The following PPIL2 variants were observed in gnomAD, a reference collection of about 807,000 sequenced individuals.
The protein encoded by PPIL2 is peptidylprolyl isomerase like 2, also known as RING-type E3 ubiquitin-protein ligase PPIL2.
In PPIL2, 50 loss-of-function variants were observed where a neutral mutation model predicts 75.2. That is an observed-to-expected ratio of 0.66 (90% CI 0.53 to 0.84). The LOEUF (loss-of-function observed/expected upper bound fraction) is 0.84. Ranked by LOEUF, PPIL2 falls within the 40% of genes least tolerant of loss-of-function variation. The probability of loss-of-function intolerance (pLI) is 0.00; values close to 1 mark genes in which losing one functional copy is unlikely to be tolerated. For synonymous variants in PPIL2, 245 were observed against 258.8 expected, an observed-to-expected ratio of 0.95 and a Z score of 0.51; for missense variants, 590 against 685.0, an observed-to-expected ratio of 0.86 and a Z score of 1.55.
chr22:21,679,305 A>G (rs1408059511), intron 6 of PPIL2, among the ~76,000 whole-genome samples: 1 of 150,976 alleles, frequency 6.6e-6, no homozygotes, highest in East Asian at 2.0e-4. Context: ...GCATCCCCCC[A>G]CCAAAAAAAA....
At position 21,697,027 on chromosome 22, in the gene PPIL2, T is replaced by A. The variant is rs2067965066; in HGVS notation, c.*1537T>A. On this transcript the variant is annotated 3_prime_UTR_variant, in exon 20 of 20. Transcript: ENST00000398831. Reference sequence around the variant, plus strand: ...CAGCCCATCCCTCTGCAGCCTGTCATCCCTGTCTGTGACCATTGGTCGGGC... The same window carrying A: ...CAGCCCATCCCTCTGCAGCCTGTCAACCCTGTCTGTGACCATTGGTCGGGC... 4 of 1,533,544 alleles carry A rather than the reference T, an allele frequency of 2.6e-6. No homozygotes were observed. The African/African-American group carries it at 5.5e-5, about 21-fold the overall frequency. The allele number at this position is 1,533,544 out of a possible 1,614,324, so 95.0% of individuals were successfully genotyped here.
At position 21,672,518 on chromosome 22, in the gene PPIL2, C is replaced by T. The variant is rs970960215; in HGVS notation, c.243+137C>T. On this transcript the variant is annotated intron_variant, in intron 5 of 19. Transcript: ENST00000398831. The stretch of plus-strand genomic sequence containing the variant: ...GGGCCCAGTGAGGAGGGACAGTCTT[C>T]CCCTCCTCTCCCCACACCCATTCTT... 251 of 789,568 alleles carry T rather than the reference C, an allele frequency of 3.2e-4. 1 individual carries two copies. The highest frequency in any genetic ancestry group is 4.8e-4 in the Non-Finnish European group (224 of 466,288). The allele number at this position is 789,568 out of a possible 1,614,324, so 48.9% of individuals were successfully genotyped here. A position where few individuals can be genotyped will look rare whatever the true frequency, so the allele number is the denominator to read the frequency against.
rs969277821 is a variant in PPIL2 at position 21,695,989 on chromosome 22, A to G, written c.*499A>G. The stretch of plus-strand genomic sequence containing the variant: ...GCCGTGCACCACTACATCCAGCTGT[A>G]TATGTCTGGTTTTCTTACCCCTACT... On this transcript the variant is annotated 3_prime_UTR_variant, in exon 20 of 20. Transcript: ENST00000398831. 5 of 513,916 alleles carry G rather than the reference A, an allele frequency of 9.7e-6. No homozygotes were observed. Among genetic ancestry groups the G allele is most frequent in the African/African-American group, 8.3e-5 (4 of 47,928 alleles). 31.8% of individuals were successfully genotyped at this position (513,916 alleles called of 1,614,324 possible). A position where few individuals can be genotyped will look rare whatever the true frequency, so the allele number is the denominator to read the frequency against.
chr22:21,672,260 A>G lies in PPIL2; in HGVS notation c.192-70A>G, dbSNP rs1234635561. The G allele has an allele frequency of 5.0e-6, 7 of 1,397,578 alleles. No homozygotes were observed. The Admixed American group carries it at 1.0e-4, about 20-fold the overall frequency. 86.6% of individuals were successfully genotyped at this position (1,397,578 alleles called of 1,614,324 possible). A position where few individuals can be genotyped will look rare whatever the true frequency, so the allele number is the denominator to read the frequency against. On this transcript the variant is annotated intron_variant, in intron 4 of 19. Coordinates refer to ENST00000398831, the MANE Select transcript of PPIL2 (RefSeq NM_014337.4). ...CCTCTAACCTGGAAGCAGCCCTGCA[A>G]GACCACAGTGTTGTTACCAGGTGGC...
At position 21,691,536 on chromosome 22, in the gene PPIL2, C is replaced by T. The variant is rs539187824; in HGVS notation, c.1140-2280C>T. Among the ~76,000 whole-genome samples, 394 of 151,992 alleles carry T rather than the reference C, an allele frequency of 2.6e-3. 2 individuals carry two copies. The highest frequency in any genetic ancestry group is 3.4e-3 in the Non-Finnish European group (230 of 67,976). ...TCTACTAAAAATACAGAAAACTAGCCGGGCATGGTGGCAGGCGCCTGTAGT... is the reference window on the plus strand; with the variant it reads ...TCTACTAAAAATACAGAAAACTAGCTGGGCATGGTGGCAGGCGCCTGTAGT... On this transcript the variant is annotated intron_variant, in intron 15 of 19. Transcript: ENST00000398831.
Position 21,689,441 on chromosome 22 carries a change from C to T in PPIL2, c.1139+592C>T, listed in dbSNP as rs114490261. 7.6e-3 allele frequency among the ~76,000 whole-genome samples: 1,164 copies of T among 152,300 alleles called. 17 individuals carry two copies. Among genetic ancestry groups the T allele is most frequent in the African/African-American group, 0.026 (1,087 of 41,540 alleles). The stretch of plus-strand genomic sequence containing the variant: ...CCTGTGACTTCCGGGATAAAGCAAC[C>T]TCTTAAGGATTTTTTATAGTTTATG... On this transcript the variant is annotated intron_variant, in intron 15 of 19. Transcript: ENST00000398831.
chr22:21,686,255 T>A (rs1364541633), intron 10 of PPIL2, among the ~76,000 whole-genome samples: 6 of 152,202 alleles, frequency 3.9e-5, no homozygotes, highest in Non-Finnish European at 5.9e-5. Flanking sequence ...TCTCCAGGGT[T>A]TCACCTGATA....
chr22:21,695,012 A>AGCCAGGGCCCCCAGACCTTCC lies in PPIL2; in HGVS notation c.1417_1437dup (p.Pro473_Gly479dup), dbSNP rs763834171. On this transcript the variant is annotated inframe_insertion, in exon 19 of 20. Transcript: ENST00000398831. ...GAAGAGCAGCCAGCCCCAGGCAGGG[A>AGCCAGGGCCCCCAGACCTTCC]GCCAGGGCCCCCAGACCTTCCGCCA... 9.9e-6 allele frequency: 16 copies of AGCCAGGGCCCCCAGACCTTCC among 1,613,326 alleles called. No homozygotes were observed. Among genetic ancestry groups the AGCCAGGGCCCCCAGACCTTCC allele is most frequent in the African/African-American group, 8.0e-5 (6 of 74,934 alleles).
downstream of PPIL2, chr22:21,699,618 A>G (rs529673306): frequency 2.6e-5 from 4 of 152,826 alleles, no homozygotes; most frequent in African/African-American, 7.2e-5. Flanking sequence ...AGGCGTCTTC[A>G]TGCACAAAGG....
At chr22:21,670,853 G>A in intron 3 of PPIL2, 144 bp from the exon 4 acceptor site, 1 of 917,850 alleles carries the variant, frequency 1.1e-6, no homozygotes, top group South Asian at 1.4e-5. Context: ...TGGAGGAGAA[G>A]GTTGGTGAGA....
At chr22:21,677,726 TATTTA>T in intron 6 of PPIL2, among the ~76,000 whole-genome samples, 1 of 152,010 alleles carries the variant, frequency 6.6e-6, no homozygotes, top group Middle Eastern at 3.4e-3. Flanking sequence ...GGACAGCAAA[TATTTA>T]TTGAGTGCCT....
chr22:21,684,495 A>G (rs2067269994), intron 9 of PPIL2, among the ~76,000 whole-genome samples: 1 of 150,558 alleles, frequency 6.6e-6, no homozygotes, highest in African/African-American at 2.4e-5. Flanking sequence ...AGCAAAGCGT[A>G]TACTCTAAAA....
intron 7 of PPIL2, 67 bp downstream of exon 7, chr22:21,681,457 A>C: frequency 7.0e-7 from 1 of 1,420,086 alleles, no homozygotes. Context: ...CCTAGTATAC[A>C]CTGGCTGGGC....
In PPIL2 at chr22:21,678,906, T is replaced by C. The variant is rs931374846; in HGVS notation, c.296-2393T>C. On this transcript the variant is annotated intron_variant, in intron 6 of 19. Transcript: ENST00000398831. ...CATGCCCAGCCAATTTTTTTTTTTT[T>C]TTTTTTTGAGATGGAGTTTCGCTCT... Among the ~76,000 whole-genome samples the C allele has an allele frequency of 2.0e-5, 3 of 151,072 alleles. 1 individual carries two copies. The highest frequency in any genetic ancestry group is 6.6e-5 in the Admixed American group (1 of 15,152).
intron 6 of PPIL2, among the ~76,000 whole-genome samples, chr22:21,676,419 T>G (rs1021088875): frequency 4.0e-5 from 6 of 151,554 alleles, no homozygotes; most frequent in African/African-American, 1.5e-4. Flanking sequence ...GAGGGGGATT[T>G]GGCAGGGTCA....
intron 9 of PPIL2, among the ~76,000 whole-genome samples, chr22:21,683,664 C>T (rs1004002782): frequency 2.0e-5 from 3 of 152,140 alleles, no homozygotes; most frequent in Non-Finnish European, 2.9e-5. Flanking sequence ...ATTGTTTGAA[C>T]GGGTTTTAGG....
chr22:21,694,864 C>G, intron 18 of PPIL2, 47 bp downstream of exon 18: 1 of 1,589,898 alleles, frequency 6.3e-7, no homozygotes, highest in Non-Finnish European at 8.6e-7. Context: ...GGCTAGTGCA[C>G]TTTTCCACCC....
At chr22:21,666,607 A>C (rs2148489555) in intron 1 of PPIL2, among the ~76,000 whole-genome samples, 1 of 152,204 alleles carries the variant, frequency 6.6e-6, no homozygotes, top group East Asian at 1.9e-4. Context: ...TCAGGAGTTC[A>C]AGACCAGCCT....
intron 9 of PPIL2, 141 bp from the exon 10 acceptor site, chr22:21,684,612 G>A: frequency 9.7e-7 from 1 of 1,031,154 alleles, no homozygotes; most frequent in Non-Finnish European, 1.4e-6. Flanking sequence ...GCGGGGCACT[G>A]TGGCATTCTG....
Sources: allele counts gnomAD v4.1 joint callset (sites outside exome capture counted in the v4.1 genomes callset), GRCh38; gene constraint gnomAD v4.1.1; transcripts MANE v1.5; gene names NCBI Gene and HGNC (gene_info 2026-07-23, HGNC 2026-07-21).